The following CEP112 variants were observed in gnomAD, a reference collection of about 807,000 sequenced individuals.
CEP112 encodes the protein centrosomal protein 112.
Under a neutral mutation model 153.0 loss-of-function variants are expected in CEP112, and 127 were observed. The observed-to-expected ratio is 0.83, with a 90% confidence interval of 0.72 to 0.96. The LOEUF (loss-of-function observed/expected upper bound fraction) is 0.96. Among genes scored for constraint, CEP112 ranks in the 40% least tolerant of loss-of-function variants. The pLI, the probability that CEP112 is intolerant of heterozygous loss-of-function variation, is 0.00. For missense variants in CEP112, 1,089 were observed against 1,101.2 expected, an observed-to-expected ratio of 0.99 and a Z score of 0.16; for synonymous variants, 358 against 374.4, an observed-to-expected ratio of 0.96 and a Z score of 0.51.
chr17:66,155,350 C>T (rs2071391504), intron 4 of CEP112, among the ~76,000 whole-genome samples: 2 of 152,118 alleles, frequency 1.3e-5, no homozygotes, highest in African/African-American at 4.8e-5. Flanking sequence ...AGGGACAGTG[C>T]ATTCTGACCC....
At chr17:65,704,714 G>A (rs1350618171) in intron 23 of CEP112, among the ~76,000 whole-genome samples, 4 of 152,110 alleles carry the variant, frequency 2.6e-5, no homozygotes, top group African/African-American at 9.7e-5. Flanking sequence ...ATCCTCAGGT[G>A]AGCCTGCCTC....
At chr17:66,054,297 C>A (rs1266055441) in intron 11 of CEP112, among the ~76,000 whole-genome samples, 1 of 152,094 alleles carries the variant, frequency 6.6e-6, no homozygotes, top group African/African-American at 2.4e-5. Context: ...ATTTTGTACA[C>A]CAGTAATGTT....
chr17:65,635,727 A>T lies in CEP112; in HGVS notation c.*244T>A, dbSNP rs532210767. On this transcript the variant is annotated 3_prime_UTR_variant, in exon 27 of 27. Coordinates refer to ENST00000535342, the MANE Select transcript of CEP112 (RefSeq NM_001199165.4). Reference sequence around the variant, plus strand: ...GCCCAATATAAGCAGTTCTCAGCACATACTCAAATGCACACAAACATGAAA... The same window carrying T: ...GCCCAATATAAGCAGTTCTCAGCACTTACTCAAATGCACACAAACATGAAA... 49 of 560,834 alleles carry T rather than the reference A, an allele frequency of 8.7e-5. No individual in the cohort carries two copies. In the African/African-American group the frequency reaches 9.3e-4, roughly 11 times the overall value. The allele number at this position is 560,834 out of a possible 1,614,324, so 34.7% of individuals were successfully genotyped here. A position where few individuals can be genotyped will look rare whatever the true frequency, so the allele number is the denominator to read the frequency against.
chr17:65,897,491 T>C (rs2059697678), intron 20 of CEP112, among the ~76,000 whole-genome samples: 1 of 152,120 alleles, frequency 6.6e-6, no homozygotes, highest in East Asian at 1.9e-4. Context: ...ACTTGGAAAT[T>C]AATATTAGGC....
chr17:65,934,456 G>C (rs774408235), intron 18 of CEP112, among the ~76,000 whole-genome samples: 2 of 152,102 alleles, frequency 1.3e-5, no homozygotes, highest in Non-Finnish European at 2.9e-5. Context: ...AAGAAAGATA[G>C]CAAGTGAGGA....
chr17:65,993,015 T>C (rs2063653141), intron 17 of CEP112, among the ~76,000 whole-genome samples: 1 of 152,180 alleles, frequency 6.6e-6, no homozygotes, highest in Non-Finnish European at 1.5e-5. Context: ...CCATGGTGAT[T>C]TGCTGCACCC....
Position 65,851,992 on chromosome 17 carries a change from C to A in CEP112, c.2206G>T (p.Glu736Ter). 6.2e-7 allele frequency: 1 copy of A among 1,612,994 alleles called. No individual in the cohort carries two copies. Among genetic ancestry groups the A allele is most frequent in the South Asian group, 1.1e-5 (1 of 90,664 alleles). The change falls in exon 21 of 27, where the codon GAA becomes TAA. Residue 736 changes from glutamate to a stop codon, truncating the protein, a stop_gained. Transcript: ENST00000535342. LOFTEE classifies it high-confidence loss of function. ...CGCTGTGAGTTCACATTGATCAATT[C>A]TTCTCTCAACTTGTGAACCTGGGCC... Reference protein sequence around the residue: ...MEAQVHKLREELINVNSQRKQ... With the variant: ...MEAQVHKLRE
At chr17:65,849,136 C>A (rs533355692) in intron 21 of CEP112, among the ~76,000 whole-genome samples, 1 of 152,310 alleles carries the variant, frequency 6.6e-6, no homozygotes, top group East Asian at 1.9e-4. Context: ...TGCTAGCTCT[C>A]CCCTGGATCA....
intron 21 of CEP112, among the ~76,000 whole-genome samples, chr17:65,830,969 C>G (rs1398262786): frequency 1.3e-5 from 2 of 152,204 alleles, no homozygotes; most frequent in Non-Finnish European, 2.9e-5. Context: ...TGAGTTTGTT[C>G]CACTGCAATG....
At chr17:65,949,040 C>T (rs1031179662) in intron 18 of CEP112, among the ~76,000 whole-genome samples, 1 of 140,166 alleles carries the variant, frequency 7.1e-6, no homozygotes, top group Non-Finnish European at 1.5e-5. Flanking sequence ...AATCTAAACA[C>T]ATTATGATTA....
At chr17:66,180,467 C>T (rs2072675448) in intron 2 of CEP112, among the ~76,000 whole-genome samples, 1 of 151,988 alleles carries the variant, frequency 6.6e-6, no homozygotes, top group Non-Finnish European at 1.5e-5. Context: ...AATGCAATCT[C>T]TGATTTATCT....
intron 16 of CEP112, among the ~76,000 whole-genome samples, chr17:66,007,364 T>C (rs2064319310): frequency 6.6e-6 from 1 of 152,186 alleles, no homozygotes; most frequent in Non-Finnish European, 1.5e-5. Context: ...CTTGCAAATT[T>C]TTGCCACTAC....
rs745998582 is a variant in CEP112 at position 66,175,034 on chromosome 17, C to G, written c.470+10G>C. On this transcript the variant is annotated intron_variant, in intron 4 of 26. Transcript: ENST00000535342. ...TGAAACACATTCAAAATCCCATTCT[C>G]TTTACATACCTGTAGACATCAGTTG... 2 of 1,525,722 alleles carry G rather than the reference C, an allele frequency of 1.3e-6. No homozygotes were observed. The highest frequency in any genetic ancestry group is 1.8e-6 in the Non-Finnish European group (2 of 1,132,544). The allele number at this position is 1,525,722 out of a possible 1,614,324, so 94.5% of individuals were successfully genotyped here.
intron 12 of CEP112, among the ~76,000 whole-genome samples, chr17:66,050,426 G>A (rs191400169): frequency 4.6e-5 from 7 of 152,248 alleles, no homozygotes; most frequent in Admixed American, 3.3e-4. Flanking sequence ...AACCTCAACT[G>A]TGCCTGAAGT....
intron 18 of CEP112, among the ~76,000 whole-genome samples, chr17:65,952,968 T>C (rs9635751): frequency 0.41 from 62,910 of 152,002 alleles, 14,401 homozygotes; most frequent in East Asian, 0.87. Context: ...TTGGATTGTC[T>C]TTTTATTATT....
intron 6 of CEP112, among the ~76,000 whole-genome samples, chr17:66,107,365 A>G (rs1315641920): frequency 6.6e-6 from 1 of 152,148 alleles, no homozygotes; most frequent in Non-Finnish European, 1.5e-5. Flanking sequence ...GCTTGTCTGC[A>G]GATTATATAA....
At chr17:66,178,508 G>T (rs1484477890) in intron 2 of CEP112, among the ~76,000 whole-genome samples, 3 of 152,026 alleles carry the variant, frequency 2.0e-5, no homozygotes, top group Non-Finnish European at 4.4e-5. Context: ...TCATTCTCTG[G>T]ATTGTCTCTT....
intron 18 of CEP112, among the ~76,000 whole-genome samples, chr17:65,957,267 G>A (rs963563525): frequency 6.6e-6 from 1 of 152,136 alleles, no homozygotes; most frequent in African/African-American, 2.4e-5. Flanking sequence ...AAAAGAAAAA[G>A]TCAAAATATA....
chr17:66,163,837 G>A (rs1051286153), intron 4 of CEP112, among the ~76,000 whole-genome samples: 1 of 151,922 alleles, frequency 6.6e-6, no homozygotes. Context: ...TTATTAAAAA[G>A]GACAACCCAA....
Sources: allele counts gnomAD v4.1 joint callset (sites outside exome capture counted in the v4.1 genomes callset), GRCh38; gene constraint gnomAD v4.1.1; transcripts MANE v1.5; gene names NCBI Gene and HGNC (gene_info 2026-07-23, HGNC 2026-07-21).